The following PTPRO variants were observed in gnomAD, a reference collection of about 807,000 sequenced individuals.
PTPRO encodes protein tyrosine phosphatase receptor type O.
Under a neutral mutation model 145.2 loss-of-function variants are expected in PTPRO, and 62 were observed. The observed-to-expected ratio is 0.43, with a 90% CI of 0.35 to 0.53. The LOEUF (loss-of-function observed/expected upper bound fraction) is 0.53, where lower values mean the gene tolerates loss of function less well. Among genes scored for constraint, PTPRO ranks in the 20% least tolerant of loss-of-function variants. The pLI, the probability that PTPRO is intolerant of heterozygous loss-of-function variation, is 0.01. For missense variants in PTPRO, 1,345 were observed against 1,482.7 expected, an observed-to-expected ratio of 0.91 and a Z score of 1.53; for synonymous variants, 565 against 514.7, an observed-to-expected ratio of 1.10 and a Z score of -1.32.
intron 12 of PTPRO, among the ~76,000 whole-genome samples, chr12:15,528,701 C>T (rs1942896106): frequency 6.6e-6 from 1 of 151,926 alleles, no homozygotes; most frequent in Non-Finnish European, 1.5e-5. Context: ...ACAGATACCA[C>T]TCAAATAAAA....
At chr12:15,517,646 T>C (rs149371708) in intron 9 of PTPRO, among the ~76,000 whole-genome samples, 1 of 152,124 alleles carries the variant, frequency 6.6e-6, no homozygotes, top group Non-Finnish European at 1.5e-5. Flanking sequence ...ACACAGCTGT[T>C]CCAAATGGGA....
At chr12:15,423,073 G>T (rs1435130035) in intron 1 of PTPRO, among the ~76,000 whole-genome samples, 2 of 152,172 alleles carry the variant, frequency 1.3e-5, no homozygotes, top group African/African-American at 2.4e-5. Context: ...TACATTCCAG[G>T]AGAGAAGCAC....
At chr12:15,465,457 A>G (rs1028312009) in intron 1 of PTPRO, among the ~76,000 whole-genome samples, 8 of 152,230 alleles carry the variant, frequency 5.3e-5, no homozygotes, top group African/African-American at 1.9e-4. Flanking sequence ...GAAGAATTTT[A>G]GTAAAGGAGA....
intron 2 of PTPRO, among the ~76,000 whole-genome samples, chr12:15,494,977 G>C (rs1942071482): frequency 6.6e-6 from 1 of 151,986 alleles, no homozygotes; most frequent in African/African-American, 2.4e-5. Flanking sequence ...AGTAAATTAG[G>C]CTGGGTTGAA....
chr12:15,546,426 A>G (rs895053256), intron 12 of PTPRO, 143 bp from the exon 13 acceptor site: 3 of 1,468,270 alleles, frequency 2.0e-6, no homozygotes, highest in East Asian at 2.5e-5. Flanking sequence ...ATGAAAGGAC[A>G]TATTTCAAAG....
At chr12:15,379,029 A>C (rs935833368) in intron 1 of PTPRO, among the ~76,000 whole-genome samples, 7 of 152,174 alleles carry the variant, frequency 4.6e-5, no homozygotes, top group Admixed American at 1.3e-4. Flanking sequence ...ATAGACAATT[A>C]AAAGCCCTGG....
chr12:15,551,773 G>C, intron 15 of PTPRO, 102 bp downstream of exon 15: 1 of 1,313,200 alleles, frequency 7.6e-7, no homozygotes, highest in Non-Finnish European at 1.1e-6. Context: ...GCGGTATATT[G>C]GATTTTAGTT....
chr12:15,557,339 C>CT, intron 15 of PTPRO, 116 bp from the exon 16 acceptor site: 57 of 1,034,588 alleles, frequency 5.5e-5, no homozygotes, highest in Middle Eastern at 4.4e-4. Context: ...CTAGCTTCTT[C>CT]TTTTTTTTAA....
At position 15,516,904 on chromosome 12, in the gene PTPRO, A is replaced by C; in HGVS notation, c.1727A>C (p.Glu576Ala). 1 of 1,614,038 alleles carries C rather than the reference A, an allele frequency of 6.2e-7. No individual in the cohort carries two copies. Among genetic ancestry groups the C allele is most frequent in the Non-Finnish European group, 8.5e-7 (1 of 1,179,876 alleles). Residue 576 changes from glutamate to alanine, a missense_variant, in exon 9 of 27, where the codon GAG (glutamate) becomes GCG (alanine). Around this residue, in one of 3 missense-constraint regions of PTPRO, gnomAD observed 1,130 missense variants for 1,214.7 expected, o/e 0.93. Transcript: ENST00000281171. ...FYFNPATMTS[E>A]WTTYYEIAAT... ...TTCAACCCTGCTACAATGACATCAGAGTGGACCACCTACTATGAAATAGCA... is the reference window on the plus strand; with the variant it reads ...TTCAACCCTGCTACAATGACATCAGCGTGGACCACCTACTATGAAATAGCA...
intron 1 of PTPRO, among the ~76,000 whole-genome samples, chr12:15,460,025 T>C (rs542411845): frequency 4.7e-4 from 72 of 152,340 alleles, no homozygotes; most frequent in Non-Finnish European, 8.5e-4. Context: ...GAAACCACTA[T>C]CTTGCTAAGA....
At chr12:15,490,220 T>C (rs1182239788) in intron 2 of PTPRO, among the ~76,000 whole-genome samples, 2 of 152,242 alleles carry the variant, frequency 1.3e-5, no homozygotes, top group African/African-American at 2.4e-5. Flanking sequence ...AGTTCAATCA[T>C]ATGTATAGCC....
At chr12:15,343,969 C>T (rs893245742) in intron 1 of PTPRO, among the ~76,000 whole-genome samples, 2 of 152,196 alleles carry the variant, frequency 1.3e-5, no homozygotes, top group Non-Finnish European at 2.9e-5. Flanking sequence ...CAGGCGTGAG[C>T]CACCGCGCCC....
chr12:15,369,851 A>G (rs1938470450), intron 1 of PTPRO, among the ~76,000 whole-genome samples: 2 of 152,126 alleles, frequency 1.3e-5, no homozygotes, highest in South Asian at 4.2e-4. Flanking sequence ...CAGGAGTGCA[A>G]GACCAGCCTA....
intron 1 of PTPRO, among the ~76,000 whole-genome samples, chr12:15,399,150 C>A (rs1172951969): frequency 2.0e-5 from 3 of 152,168 alleles, no homozygotes; most frequent in African/African-American, 7.2e-5. Context: ...AAAAAAGAAG[C>A]TTTGATTTCC....
intron 1 of PTPRO, among the ~76,000 whole-genome samples, chr12:15,482,579 C>T (rs1449989209): frequency 1.3e-5 from 2 of 152,114 alleles, no homozygotes; most frequent in African/African-American, 4.8e-5. Context: ...ATATGTTAAT[C>T]ACCCTGATTT....
chr12:15,555,334 C>T (rs918021578), intron 15 of PTPRO, among the ~76,000 whole-genome samples: 1 of 152,050 alleles, frequency 6.6e-6, no homozygotes, highest in Non-Finnish European at 1.5e-5. Context: ...GAAGGCCCTG[C>T]ATTAATCACT....
At chr12:15,443,799 C>G (rs949973460) in intron 1 of PTPRO, among the ~76,000 whole-genome samples, 3 of 152,096 alleles carry the variant, frequency 2.0e-5, no homozygotes, top group African/African-American at 7.2e-5. Context: ...GCATCTCACA[C>G]CAGTCAGAAC....
intron 1 of PTPRO, among the ~76,000 whole-genome samples, chr12:15,425,174 G>T (rs1039017534): frequency 6.6e-6 from 1 of 152,028 alleles, no homozygotes; most frequent in East Asian, 1.9e-4. Flanking sequence ...ACGGTACTTT[G>T]CTAGTTTTGT....
intron 1 of PTPRO, among the ~76,000 whole-genome samples, chr12:15,369,422 T>C (rs969181361): frequency 6.6e-6 from 1 of 152,172 alleles, no homozygotes; most frequent in Non-Finnish European, 1.5e-5. Flanking sequence ...GCAGGTAGGA[T>C]GCGAAACCTT....
Sources: allele counts gnomAD v4.1 joint callset (sites outside exome capture counted in the v4.1 genomes callset), GRCh38; gene constraint gnomAD v4.1.1; regional missense constraint gnomAD v4.1.1; transcripts MANE v1.5; gene names NCBI Gene and HGNC (gene_info 2026-07-23, HGNC 2026-07-21).